Variants in PDCD6IP observed in about 807,000 individuals in gnomAD.
PDCD6IP encodes the protein programmed cell death 6 interacting protein, also known as programmed cell death 6-interacting protein.
A neutral mutation model predicts 103.7 loss-of-function variants in PDCD6IP; 43 were observed. The observed-to-expected ratio is 0.41, with a 90% CI of 0.32 to 0.53. The LOEUF (loss-of-function observed/expected upper bound fraction) is 0.53. Ranked by LOEUF, PDCD6IP falls within the 20% of genes least tolerant of loss-of-function variation. The pLI, the probability that PDCD6IP is intolerant of heterozygous loss-of-function variation, is 0.16. For missense variants in PDCD6IP, 871 were observed against 1,036.7 expected, an observed-to-expected ratio of 0.84 and a Z score of 2.20; for synonymous variants, 354 against 378.7, an observed-to-expected ratio of 0.93 and a Z score of 0.76.
chr3:33,806,426 C>G (rs907024499), intron 1 of PDCD6IP, among the ~76,000 whole-genome samples: 2 of 152,204 alleles, frequency 1.3e-5, no homozygotes, highest in African/African-American at 4.8e-5. Flanking sequence ...TCAGGGCTAT[C>G]TGACTTGAAA....
intron 1 of PDCD6IP, among the ~76,000 whole-genome samples, chr3:33,810,496 C>G (rs1696692275): frequency 6.6e-6 from 1 of 152,168 alleles, no homozygotes; most frequent in Non-Finnish European, 1.5e-5. Context: ...GCACTTGGCT[C>G]ATTTTAATGC....
chr3:33,861,405 T>C (rs1259557181), intron 15 of PDCD6IP, among the ~76,000 whole-genome samples: 1 of 152,152 alleles, frequency 6.6e-6, no homozygotes, highest in East Asian at 1.9e-4. Context: ...CCTCCCAAAG[T>C]GCTGGGATTA....
rs774705417 is a variant in PDCD6IP at position 33,864,016 on chromosome 3, C to A, written c.2131C>A (p.Gln711Lys). The stretch of plus-strand genomic sequence containing the variant: ...TCTGTCTTTGATAAGGGACTTGCAA[C>A]AAAGCATTGCCAGAGAACCTAGTGC... ...ERDELLKDLQQSIAREPSAPS... is the reference protein window; with the variant it reads ...ERDELLKDLQKSIAREPSAPS... Residue 711 changes from glutamine to lysine, a missense_variant, in exon 16 of 18, where the codon CAA becomes AAA. By Grantham distance (53) the Gln-to-Lys change is moderately conservative. Transcript: ENST00000307296. 5.0e-6 allele frequency: 8 copies of A among 1,612,446 alleles called. No homozygotes were observed. In the South Asian group the frequency reaches 8.8e-5, roughly 18 times the overall value.
chr3:33,836,066 C>G lies in PDCD6IP; in HGVS notation c.857C>G (p.Thr286Arg). Residue 286 changes from threonine to arginine, a missense_variant, in exon 8 of 18, where the codon ACA (threonine) becomes AGA (arginine). Thr to Arg is a moderately conservative substitution (Grantham distance 71). This residue lies in a region of PDCD6IP where 242 missense variants were observed against 250.7 expected (regional missense o/e 0.97). Transcript: ENST00000307296. ...RLQHAAELIK[T>R]VASRYDEYVN... The stretch of plus-strand genomic sequence containing the variant: ...TAGCATGCAGCAGAACTGATTAAAA[C>G]AGTGGCATCTCGCTATGATGAATAT... 6.3e-7 allele frequency: 1 copy of G among 1,593,772 alleles called. No individual in the cohort carries two copies. The highest frequency in any genetic ancestry group is 8.6e-7 in the Non-Finnish European group (1 of 1,164,744).
At chr3:33,801,643 C>T (rs1696478677) in intron 1 of PDCD6IP, among the ~76,000 whole-genome samples, 1 of 152,004 alleles carries the variant, frequency 6.6e-6, no homozygotes, top group Admixed American at 6.5e-5. Context: ...AAAACAACAA[C>T]AACAAAAAAC....
intron 1 of PDCD6IP, among the ~76,000 whole-genome samples, chr3:33,800,456 C>G (rs957066397): frequency 6.6e-6 from 1 of 151,982 alleles, no homozygotes; most frequent in African/African-American, 2.4e-5. Flanking sequence ...TTCTCCTTAC[C>G]CCATGGATCA....
At position 33,834,198 on chromosome 3, in the gene PDCD6IP, T is replaced by TC. The variant is rs566580624; in HGVS notation, c.835-1845dup. On this transcript the variant is annotated intron_variant, in intron 7 of 17. Coordinates refer to ENST00000307296, the MANE Select transcript of PDCD6IP (RefSeq NM_013374.6). ...GAGGCCCCTCAGCATCACATTTTTTTCTGTGGTCCCCTGGTGGCATGATAG... is the reference window on the plus strand; with the variant it reads ...GAGGCCCCTCAGCATCACATTTTTTTCCTGTGGTCCCCTGGTGGCATGATAG... 5.3e-5 allele frequency among the ~76,000 whole-genome samples: 8 copies of TC among 152,302 alleles called. No individual in the cohort carries two copies. The East Asian group carries it at 1.3e-3, about 26-fold the overall frequency.
intron 2 of PDCD6IP, 108 bp from the exon 3 acceptor site, chr3:33,813,451 T>C: frequency 1.4e-6 from 1 of 693,210 alleles, no homozygotes; most frequent in East Asian, 2.6e-5. Context: ...GATAATATTT[T>C]GAGCTTTTGT....
rs760977461 is a variant in PDCD6IP at position 33,798,746 on chromosome 3, G to A, written c.18G>A (p.Ser6=). 1 of 1,568,774 alleles carries A rather than the reference G, an allele frequency of 6.4e-7. No homozygotes were observed. The highest frequency in any genetic ancestry group is 8.6e-7 in the Non-Finnish European group (1 of 1,156,708). Residue 6 remains serine (S), a synonymous_variant, in exon 1 of 18, where the codon TCG becomes TCA. Transcript: ENST00000307296. ...CGCTGATCATGGCGACATTCATCTC[G>A]GTGCAGCTGAAAAAGACCTCAGAGG... MATFI[S]VQLKKTSEVD...
At chr3:33,820,572 C>T (rs889091120) in intron 3 of PDCD6IP, among the ~76,000 whole-genome samples, 1 of 152,198 alleles carries the variant, frequency 6.6e-6, no homozygotes, top group Admixed American at 6.5e-5. Flanking sequence ...CCTCCCCCTA[C>T]CACCATCCCT....
At chr3:33,801,004 T>G (rs535145659) in intron 1 of PDCD6IP, among the ~76,000 whole-genome samples, 1 of 152,352 alleles carries the variant, frequency 6.6e-6, no homozygotes, top group African/African-American at 2.4e-5. Flanking sequence ...GTTGTAGATA[T>G]AGTCTCTTTG....
chr3:33,827,841 C>G (rs1039409165), intron 6 of PDCD6IP: 2 of 152,024 alleles, frequency 1.3e-5, no homozygotes, highest in Non-Finnish European at 2.9e-5. Context: ...TTATTTTTTC[C>G]TTTTTACTAA....
intron 3 of PDCD6IP, among the ~76,000 whole-genome samples, chr3:33,814,064 C>T (rs1027728752): frequency 6.6e-6 from 1 of 151,872 alleles, no homozygotes; most frequent in Non-Finnish European, 1.5e-5. Context: ...TTTGATCTAC[C>T]AGCTCCAGCA....
chr3:33,835,999 C>G, intron 7 of PDCD6IP, 45 bp from the exon 8 acceptor site: 1 of 1,046,180 alleles, frequency 9.6e-7, no homozygotes, highest in Non-Finnish European at 1.4e-6. Context: ...GAAATAAAAT[C>G]ACCTCCCTCT....
chr3:33,824,839 A>AG (rs1697080447), intron 4 of PDCD6IP, among the ~76,000 whole-genome samples: 1 of 152,188 alleles, frequency 6.6e-6, no homozygotes, highest in African/African-American at 2.4e-5. Flanking sequence ...CCAAAGCAAG[A>AG]GCATTGCAGT....
chr3:33,843,877 CTTT>C (rs553570346), intron 10 of PDCD6IP, among the ~76,000 whole-genome samples: 2 of 140,802 alleles, frequency 1.4e-5, no homozygotes, highest in Admixed American at 7.0e-5. Context: ...TTTATTCCTC[CTTT>C]TTTTTTTTTT....
chr3:33,852,782 A>T, intron 13 of PDCD6IP, 46 bp downstream of exon 13: 1 of 1,532,466 alleles, frequency 6.5e-7, no homozygotes, highest in Non-Finnish European at 8.7e-7. Flanking sequence ...AAAATTACAG[A>T]AAAGATATGT....
intron 1 of PDCD6IP, among the ~76,000 whole-genome samples, chr3:33,806,616 T>C (rs913877026): frequency 1.3e-5 from 2 of 152,238 alleles, no homozygotes; most frequent in Non-Finnish European, 1.5e-5. Flanking sequence ...TGCCTACTTA[T>C]ACAAAACTTG....
intron 15 of PDCD6IP, among the ~76,000 whole-genome samples, chr3:33,863,712 A>C (rs562906156): frequency 1.3e-5 from 2 of 152,346 alleles, no homozygotes; most frequent in South Asian, 2.1e-4. Flanking sequence ...GAAGTGCTGC[A>C]ATAAACATGG....
Sources: allele counts gnomAD v4.1 joint callset (sites outside exome capture counted in the v4.1 genomes callset), GRCh38; gene constraint gnomAD v4.1.1; regional missense constraint gnomAD v4.1.1; transcripts MANE v1.5; gene names NCBI Gene and HGNC (gene_info 2026-07-23, HGNC 2026-07-21).